The following DNALI1 variants were observed in gnomAD, a reference collection of about 807,000 sequenced individuals.
The protein encoded by DNALI1 is dynein axonemal light intermediate chain 1, also known as axonemal dynein light intermediate polypeptide 1.
A neutral mutation model predicts 33.9 loss-of-function variants in DNALI1; 31 were observed. The ratio of observed to expected loss-of-function variants is 0.91; its 90% CI spans 0.69 to 1.23. The LOEUF (loss-of-function observed/expected upper bound fraction) is 1.23. Among genes scored for constraint, DNALI1 ranks in the 50% most tolerant of loss-of-function variants. The probability of loss-of-function intolerance (pLI) is 0.00; values close to 1 mark genes in which losing one functional copy is unlikely to be tolerated. For synonymous variants in DNALI1, 117 were observed against 129.2 expected (o/e 0.91, Z 0.64); for missense variants, 305 against 323.8 (o/e 0.94, Z 0.44).
In DNALI1 at chr1:37,559,227, C is replaced by A; in HGVS notation, c.228-100C>A. The A allele has an allele frequency of 7.6e-7, 1 of 1,315,856 alleles. No homozygotes were observed. The highest frequency in any genetic ancestry group is 1.0e-6 in the Non-Finnish European group (1 of 980,836). 81.5% of individuals were successfully genotyped at this position (1,315,856 alleles called of 1,614,324 possible). A position where few individuals can be genotyped will look rare whatever the true frequency, so the allele number is the denominator to read the frequency against. On this transcript the variant is annotated intron_variant, in intron 2 of 5. Coordinates refer to ENST00000652629, the MANE Select transcript of DNALI1 (RefSeq NM_003462.5). This position sits in a 1 kb window ranked among gnomAD's most constrained non-coding sequence, Gnocchi z 5.3. ...TGGTGGGTTGGTGGCAAAGCTGCCC[C>A]TCACCACTACTCAGGCAGAGGGCTC... is the stretch of plus-strand genomic sequence containing the variant.
Position 37,559,626 on chromosome 1 carries a change from CT to C in DNALI1, c.397+131del. On this transcript the variant is annotated intron_variant, in intron 3 of 5. Coordinates refer to ENST00000652629, the MANE Select transcript of DNALI1 (RefSeq NM_003462.5). The surrounding 1 kb of genome is among the most constrained non-coding windows in gnomAD (Gnocchi z 5.3). ...CATGCTGGAATCCCCTCTTCTCCCCCTGCCTGACCCACCCAGCAACAGCTAA... is the reference window on the plus strand; with the variant it reads ...CATGCTGGAATCCCCTCTTCTCCCCCGCCTGACCCACCCAGCAACAGCTAA... The C allele has an allele frequency of 1.8e-6, 2 of 1,115,890 alleles. No homozygotes were observed. Among genetic ancestry groups the C allele is most frequent in the Non-Finnish European group, 2.4e-6 (2 of 848,312 alleles). 69.1% of individuals were successfully genotyped at this position (1,115,890 alleles called of 1,614,324 possible). A position where few individuals can be genotyped will look rare whatever the true frequency, so the allele number is the denominator to read the frequency against.
At position 37,562,240 on chromosome 1, in the gene DNALI1, C is replaced by G; in HGVS notation, c.736C>G (p.Leu246Val). ...GTTCCTGAAGCGAACAAATCAGCAG[C>G]TGAAGGTAATCAACGCGCAGGGTGG... ...IQFLKRTNQQLKAQLEGIIAP... is the reference protein window; with the variant it reads ...IQFLKRTNQQVKAQLEGIIAP... Residue 246 changes from leucine to valine, a missense_variant, in exon 5 of 6, where the codon CTG becomes GTG. By Grantham distance (32) the Leu-to-Val change is conservative. Coordinates refer to ENST00000652629, the MANE Select transcript of DNALI1 (RefSeq NM_003462.5). This position sits in a 1 kb window ranked among gnomAD's most constrained non-coding sequence, Gnocchi z 5.8. The G allele has an allele frequency of 6.2e-7, 1 of 1,612,548 alleles. No individual in the cohort carries two copies. Among genetic ancestry groups the G allele is most frequent in the Non-Finnish European group, 8.5e-7 (1 of 1,179,348 alleles).
chr1:37,562,064 G>A lies in DNALI1; in HGVS notation c.577-17G>A. 1 of 1,613,718 alleles carries A rather than the reference G, an allele frequency of 6.2e-7. No individual in the cohort carries two copies. Among genetic ancestry groups the A allele is most frequent in the Non-Finnish European group, 8.5e-7 (1 of 1,179,846 alleles). On this transcript the variant is annotated splice_polypyrimidine_tract_variant and intron_variant, in intron 4 of 5. Transcript: ENST00000652629. This position sits in a 1 kb window ranked among gnomAD's most constrained non-coding sequence, Gnocchi z 5.8. ...CACCTGGCGACATCCCAGGATGACT[G>A]GGCATTCTCTCCTCAGATCGCAGAA...
At chr1:37,558,959 A>C (rs1643404428) in intron 2 of DNALI1, among the ~76,000 whole-genome samples, 1 of 152,228 alleles carries the variant, frequency 6.6e-6, no homozygotes, top group Admixed American at 6.5e-5. Context: ...CACAAGGTTC[A>C]TGATGTCCTG....
In DNALI1 at chr1:37,562,433, A is replaced by G. The variant is rs1643451915; in HGVS notation, c.741+188A>G. On this transcript the variant is annotated intron_variant, in intron 5 of 5. Transcript: ENST00000652629. The surrounding 1 kb of genome is among the most constrained non-coding windows in gnomAD (Gnocchi z 5.8). ...AGAGGGGGTCTCTACTCTCAACTCC[A>G]AATCTCTGAGGCGCCTCAGCCTGGC... Among the ~76,000 whole-genome samples the G allele has an allele frequency of 6.6e-6, 1 of 152,076 alleles. No individual in the cohort carries two copies. The highest frequency in any genetic ancestry group is 2.1e-4 in the South Asian group (1 of 4,828).
intron 3 of DNALI1, chr1:37,560,803 T>C (rs577941217): frequency 6.6e-5 from 10 of 152,330 alleles, no homozygotes; most frequent in Admixed American, 2.0e-4. Flanking sequence ...ATAATAAGCA[T>C]GTGCTAATTT....
At position 37,562,161 on chromosome 1, in the gene DNALI1, G is replaced by A. The variant is rs757356271; in HGVS notation, c.657G>A (p.Lys219=). ...AGGCAAAATGTGAAGCCACTGAGAA[G>A]CGGGAGAGCGAGAGGCGGCAGGTGG... ...EQKAKCEATE[K]RESERRQVEE... is the part of the protein sequence containing the mutation. Residue 219 remains lysine, a synonymous_variant, in exon 5 of 6, where the codon AAG becomes AAA. Transcript: ENST00000652629. This position sits in a 1 kb window ranked among gnomAD's most constrained non-coding sequence, Gnocchi z 5.8. The A allele has an allele frequency of 2.3e-5, 37 of 1,614,094 alleles. No homozygotes were observed. The highest frequency in any genetic ancestry group is 3.1e-5 in the Non-Finnish European group (37 of 1,179,992).
chr1:37,561,976 C>A lies in DNALI1; in HGVS notation c.577-105C>A. 6.6e-7 allele frequency: 1 copy of A among 1,522,332 alleles called. No individual in the cohort carries two copies. Among genetic ancestry groups the A allele is most frequent in the Non-Finnish European group, 8.9e-7 (1 of 1,120,330 alleles). The allele number at this position is 1,522,332 out of a possible 1,614,324, so 94.3% of individuals were successfully genotyped here. ...CAGGCACTGACCTCCCACTGGGTGG[C>A]AGTATATACCCTGGCAATGTCATGT... is the stretch of plus-strand genomic sequence containing the variant. On this transcript the variant is annotated intron_variant, in intron 4 of 5. Coordinates refer to ENST00000652629, the MANE Select transcript of DNALI1 (RefSeq NM_003462.5). The surrounding 1 kb of genome is among the most constrained non-coding windows in gnomAD (Gnocchi z 4.6).
chr1:37,565,209 G>C lies in DNALI1; in HGVS notation c.*148G>C. 1.2e-6 allele frequency: 1 copy of C among 813,142 alleles called. No individual in the cohort carries two copies. The highest frequency in any genetic ancestry group is 2.0e-6 in the Non-Finnish European group (1 of 502,624). 50.4% of individuals were successfully genotyped at this position (813,142 alleles called of 1,614,324 possible). Reference sequence around the variant, plus strand: ...CATAACCTCCCCTAAACACCACCTAGGTATTTGTTAGAAGTCACACTATTA... The same window carrying C: ...CATAACCTCCCCTAAACACCACCTACGTATTTGTTAGAAGTCACACTATTA... On this transcript the variant is annotated 3_prime_UTR_variant, in exon 6 of 6. Transcript: ENST00000652629.
chr1:37,564,180 C>T (rs2148123979), intron 5 of DNALI1, among the ~76,000 whole-genome samples: 1 of 151,908 alleles, frequency 6.6e-6, no homozygotes, highest in Non-Finnish European at 1.5e-5. Context: ...TTGCAGTGAA[C>T]CGATATCACA....
In DNALI1 at chr1:37,561,580, A is replaced by G. The variant is rs1643438679; in HGVS notation, c.421A>G (p.Ile141Val). 6.2e-7 allele frequency: 1 copy of G among 1,613,914 alleles called. No individual in the cohort carries two copies. The highest frequency in any genetic ancestry group is 8.5e-7 in the Non-Finnish European group (1 of 1,179,928). The change falls in exon 4 of 6, where the codon ATC (isoleucine) becomes GTC (valine). Residue 141 changes from isoleucine to valine, a missense_variant. Physicochemically the swap from Ile to Val is conservative, Grantham distance 29 (BLOSUM62 3). Coordinates refer to ENST00000652629, the MANE Select transcript of DNALI1 (RefSeq NM_003462.5). This position sits in a 1 kb window ranked among gnomAD's most constrained non-coding sequence, Gnocchi z 4.6. Reference protein sequence around the residue: ...CFDELIREVTINCAERGLLLL... With the variant: ...CFDELIREVTVNCAERGLLLL... Reference sequence around the variant, plus strand: ...AGATGAGTTGATCCGGGAGGTCACCATCAACTGTGCGGAGAGGGGGCTGCT... The same window carrying G: ...AGATGAGTTGATCCGGGAGGTCACCGTCAACTGTGCGGAGAGGGGGCTGCT...
chr1:37,557,007 G>T lies in DNALI1; in HGVS notation c.13G>T (p.Ala5Ser), dbSNP rs779395727. Residue 5 changes from alanine to serine, a missense_variant, in exon 1 of 6, where the codon GCA becomes TCA. Coordinates refer to ENST00000652629, the MANE Select transcript of DNALI1 (RefSeq NM_003462.5). Reference protein sequence around the residue: MIPPADSLLKYDTPV... With the variant: MIPPSDSLLKYDTPV... ...TCTCGCCTCCGCCATGATTCCGCCC[G>T]CAGACTCTTTGCTCAAGTACGACAC... 14 of 1,614,082 alleles carry T rather than the reference G, an allele frequency of 8.7e-6. No homozygotes were observed. The East Asian group carries it at 1.6e-4, about 18-fold the overall frequency.
In DNALI1 at chr1:37,561,553, G is replaced by C. The variant is rs971089694; in HGVS notation, c.398-4G>C. The C allele has an allele frequency of 1.9e-6, 3 of 1,613,560 alleles. No homozygotes were observed. The highest frequency in any genetic ancestry group is 2.5e-6 in the Non-Finnish European group (3 of 1,179,734). ...CTGATCTCATGGTGTGTGTGCATTG[G>C]AAGATGAGTTGATCCGGGAGGTCAC... On this transcript the variant is annotated splice_region_variant and splice_polypyrimidine_tract_variant and intron_variant, in intron 3 of 5. Transcript: ENST00000652629. This position sits in a 1 kb window ranked among gnomAD's most constrained non-coding sequence, Gnocchi z 4.6.
At chr1:37,557,459 A>G in intron 1 of DNALI1, 144 bp from the exon 2 acceptor site, 3 of 1,149,750 alleles carry the variant, frequency 2.6e-6, no homozygotes, top group East Asian at 2.4e-5. Flanking sequence ...GCTCTGTGAC[A>G]TAATTTCTGC....
intron 1 of DNALI1, 149 bp from the exon 2 acceptor site, chr1:37,557,454 G>C (rs76053945): frequency 0.069 from 76,710 of 1,110,194 alleles, 3,114 homozygotes; most frequent in South Asian, 0.14. Context: ...CTTCAGCTCT[G>C]TGACATAATT....
Position 37,556,967 on chromosome 1 carries a change from C to G in DNALI1, c.-28C>G. 4 of 1,614,238 alleles carry G rather than the reference C, an allele frequency of 2.5e-6. No homozygotes were observed. Among genetic ancestry groups the G allele is most frequent in the Non-Finnish European group, 3.4e-6 (4 of 1,180,040 alleles). The stretch of plus-strand genomic sequence containing the variant: ...ACAAGGCCCACACTGGACAGGGCAG[C>G]TGCTGGGTTGCTACTCTCGCCTCCG... On this transcript the variant is annotated 5_prime_UTR_variant, in exon 1 of 6. Coordinates refer to ENST00000652629, the MANE Select transcript of DNALI1 (RefSeq NM_003462.5).
At position 37,557,621 on chromosome 1, in the gene DNALI1, AG is replaced by A. The variant is rs1643387664; in HGVS notation, c.101del (p.Ser34ThrfsTer36). ...RSPKARLLKVSPQQPGPSGSA... is the reference protein window; with the variant it reads ...RSPKARLLKVXPQQPGPSGSA... ...ATCTCAGGCTCGGCTACTGAAAGTC[AG>A]CCCCCAGCAGCCTGGACCTTCAGGT... On this transcript the variant is annotated frameshift_variant, in exon 2 of 6. Coordinates refer to ENST00000652629, the MANE Select transcript of DNALI1 (RefSeq NM_003462.5). LOFTEE classifies it high-confidence loss of function. The A allele has an allele frequency of 6.2e-7, 1 of 1,612,688 alleles. No homozygotes were observed. Among genetic ancestry groups the A allele is most frequent in the Non-Finnish European group, 8.5e-7 (1 of 1,179,506 alleles).
rs755939282 is a variant in DNALI1, at chr1:37,557,090, T to C, written c.81+15T>C. On this transcript the variant is annotated intron_variant, in intron 1 of 5. Coordinates refer to ENST00000652629, the MANE Select transcript of DNALI1 (RefSeq NM_003462.5). ...GGAGCCCCAAGGTAAAGACGGGGGC[T>C]CGGGAGACAAAGGAGCCTCGAAACT... 4.3e-6 allele frequency: 7 copies of C among 1,613,962 alleles called. No individual in the cohort carries two copies. In the South Asian group the frequency reaches 7.7e-5, roughly 18 times the overall value.
Position 37,562,068 on chromosome 1 carries a change from A to C in DNALI1, c.577-13A>C. The stretch of plus-strand genomic sequence containing the variant: ...TGGCGACATCCCAGGATGACTGGGC[A>C]TTCTCTCCTCAGATCGCAGAATTGG... On this transcript the variant is annotated splice_polypyrimidine_tract_variant and intron_variant, in intron 4 of 5. Coordinates refer to ENST00000652629, the MANE Select transcript of DNALI1 (RefSeq NM_003462.5). This position sits in a 1 kb window ranked among gnomAD's most constrained non-coding sequence, Gnocchi z 5.8. 1 of 1,613,804 alleles carries C rather than the reference A, an allele frequency of 6.2e-7. No homozygotes were observed.
Sources: gnomAD v4.1 joint callset for allele counts (sites outside exome capture counted in the v4.1 genomes callset) on GRCh38, gnomAD v4.1.1 for gene constraint, Gnocchi (gnomAD v3.1) non-coding constraint, MANE v1.5 for transcripts, NCBI Gene and HGNC (gene_info 2026-07-23, HGNC 2026-07-21) for gene names.